Variants in INTS10 observed in about 807,000 individuals in gnomAD.
INTS10 encodes the protein integrator complex subunit 10, also known as chromosome 8 open reading frame 35.
Under a neutral mutation model 94.4 loss-of-function variants are expected in INTS10, and 44 were observed. The ratio of observed to expected loss-of-function variants is 0.47; its 90% CI spans 0.37 to 0.60. The LOEUF (loss-of-function observed/expected upper bound fraction) is 0.60, where lower values mean the gene tolerates loss of function less well. Among genes scored for constraint, INTS10 ranks in the 20% least tolerant of loss-of-function variants. The pLI is 0.00. For missense variants in INTS10, 797 were observed against 868.7 expected (o/e 0.92, Z 1.04); for synonymous variants, 341 against 320.7 (o/e 1.06, Z -0.68).
Position 19,844,208 on chromosome 8 carries a change from C to A in INTS10, c.1852C>A (p.Gln618Lys). 1.2e-6 allele frequency: 2 copies of A among 1,612,430 alleles called. No homozygotes were observed. Among genetic ancestry groups the A allele is most frequent in the Non-Finnish European group, 1.7e-6 (2 of 1,178,644 alleles). ...VNKICQQGNF[Q>K]YENFFNYVTN... ...TAAAATTTGCCAACAAGGAAATTTCCAATATGAGAATTTTTTCAATTACGT... is the reference window on the plus strand; with the variant it reads ...TAAAATTTGCCAACAAGGAAATTTCAAATATGAGAATTTTTTCAATTACGT... The change falls in exon 15 of 17, where the codon CAA becomes AAA. Residue 618 changes from glutamine to lysine, a missense_variant. Transcript: ENST00000397977.
chr8:19,825,558 A>G (rs1302459449), intron 8 of INTS10, among the ~76,000 whole-genome samples: 1 of 151,972 alleles, frequency 6.6e-6, no homozygotes, highest in African/African-American at 2.4e-5. Flanking sequence ...CAGATGTAAC[A>G]ACATATTTAA....
At chr8:19,832,791 G>A (rs1469200532) in intron 11 of INTS10, among the ~76,000 whole-genome samples, 1 of 152,198 alleles carries the variant, frequency 6.6e-6, no homozygotes, top group Non-Finnish European at 1.5e-5. Flanking sequence ...GAATGAGGTG[G>A]TGTCGGAATG....
At chr8:19,841,795 G>A (rs1463164668) in intron 13 of INTS10, 1 of 455,704 alleles carries the variant, frequency 2.2e-6, no homozygotes, top group African/African-American at 2.0e-5. Flanking sequence ...CCTTAGATGA[G>A]TGTTTTTCAA....
At chr8:19,820,280 T>A in intron 3 of INTS10, 99 bp from the exon 4 acceptor site, 1 of 1,120,288 alleles carries the variant, frequency 8.9e-7, no homozygotes, top group Non-Finnish European at 1.2e-6. Flanking sequence ...TCACATGTAG[T>A]GTTTACTGTT....
At chr8:19,829,928 G>C (rs529389627) in intron 9 of INTS10, among the ~76,000 whole-genome samples, 1 of 152,084 alleles carries the variant, frequency 6.6e-6, no homozygotes, top group Non-Finnish European at 1.5e-5. Flanking sequence ...TCGGCCTCCC[G>C]AAGTGCTGGG....
chr8:19,832,336 C>G (rs1370282841), intron 11 of INTS10, among the ~76,000 whole-genome samples: 1 of 152,130 alleles, frequency 6.6e-6, no homozygotes, highest in Admixed American at 6.5e-5. Context: ...CTTTGGGAGG[C>G]CGAGGTGGGA....
rs1256865052 is a variant in INTS10, at chr8:19,843,043, C to G, written c.1719+116C>G. On this transcript the variant is annotated intron_variant, in intron 14 of 16. Transcript: ENST00000397977. This position sits in a 1 kb window ranked among gnomAD's most constrained non-coding sequence, Gnocchi z 4.7. ...TATTTTAGTACTTTTGAGGGCAGGC[C>G]CAAACAGTTAGAAAAGCACATGGGC... is the stretch of plus-strand genomic sequence containing the variant. The G allele has an allele frequency of 2.8e-6, 2 of 718,586 alleles. No individual in the cohort carries two copies. The highest frequency in any genetic ancestry group is 4.5e-5 in the Admixed American group (2 of 44,866). The allele number at this position is 718,586 out of a possible 1,614,324, so 44.5% of individuals were successfully genotyped here.
chr8:19,850,486 ATT>A (rs36125539), intron 16 of INTS10, among the ~76,000 whole-genome samples: 4 of 150,698 alleles, frequency 2.7e-5, no homozygotes, highest in Non-Finnish European at 5.9e-5. Flanking sequence ...ACAAAGCTGG[ATT>A]TTTTTTTTCT....
intron 8 of INTS10, 133 bp downstream of exon 8, chr8:19,825,105 C>T (rs371275433): frequency 8.3e-6 from 6 of 721,486 alleles, no homozygotes; most frequent in African/African-American, 1.8e-5. Flanking sequence ...TTATAGTTGG[C>T]GATTTAGTTT....
intron 10 of INTS10, among the ~76,000 whole-genome samples, chr8:19,831,002 T>G (rs1284269658): frequency 6.6e-6 from 1 of 152,218 alleles, no homozygotes; most frequent in Non-Finnish European, 1.5e-5. Flanking sequence ...ATTAACTCCA[T>G]TGTCTGAAAA....
intron 9 of INTS10, 45 bp from the exon 10 acceptor site, chr8:19,830,361 A>G (rs371505966): frequency 8.9e-5 from 139 of 1,553,976 alleles, no homozygotes; most frequent in Admixed American, 3.6e-4. Context: ...ATATATGACT[A>G]TATTTATAAC....
chr8:19,839,258 A>G (rs1272615777), intron 13 of INTS10, among the ~76,000 whole-genome samples: 1 of 152,230 alleles, frequency 6.6e-6, no homozygotes, highest in Non-Finnish European at 1.5e-5. Flanking sequence ...GAAGTATTGA[A>G]TGCTTTCCCC....
rs117360767 is a variant in INTS10 at position 19,843,557 on chromosome 8, A to C, written c.1720-519A>C. 6.6e-6 allele frequency among the ~76,000 whole-genome samples: 1 copy of C among 152,224 alleles called. No individual in the cohort carries two copies. Among genetic ancestry groups the C allele is most frequent in the African/African-American group, 2.4e-5 (1 of 41,458 alleles). On this transcript the variant is annotated intron_variant, in intron 14 of 16. Transcript: ENST00000397977. This position sits in a 1 kb window ranked among gnomAD's most constrained non-coding sequence, Gnocchi z 4.7. ...CAAAAACAATTTAAAGTGTGATTTT[A>C]TGCATAACCGCTCATTTGAAACAAA...
At chr8:19,823,751 A>G (rs1227144243) in intron 6 of INTS10, 122 bp from the exon 7 acceptor site, 2 of 900,576 alleles carry the variant, frequency 2.2e-6, no homozygotes, top group East Asian at 2.6e-5. Flanking sequence ...TGAGCAAAAC[A>G]TAAGTATGTT....
intron 12 of INTS10, among the ~76,000 whole-genome samples, chr8:19,836,536 T>C (rs892555723): frequency 1.3e-5 from 2 of 152,250 alleles, no homozygotes; most frequent in Non-Finnish European, 2.9e-5. Flanking sequence ...GAAAGGCGTC[T>C]TTTCTGCATT....
intron 6 of INTS10, 44 bp from the exon 7 acceptor site, chr8:19,823,829 A>C (rs771469319): frequency 1.4e-6 from 2 of 1,478,058 alleles, no homozygotes; most frequent in Non-Finnish European, 1.8e-6. Context: ...TGTCAACAGT[A>C]AGTCATAATG....
At chr8:19,840,955 G>C (rs1242858785) in intron 13 of INTS10, among the ~76,000 whole-genome samples, 2 of 152,186 alleles carry the variant, frequency 1.3e-5, no homozygotes. Flanking sequence ...GTGGCTGCAT[G>C]ACTTTATATA....
Position 19,838,084 on chromosome 8 carries a change from A to G in INTS10, c.1639+924A>G, listed in dbSNP as rs112871823. Among the ~76,000 whole-genome samples, 1,193 of 152,354 alleles carry G rather than the reference A, an allele frequency of 7.8e-3. 15 individuals carry two copies. The highest frequency in any genetic ancestry group is 0.027 in the African/African-American group (1,118 of 41,580). On this transcript the variant is annotated intron_variant, in intron 13 of 16. Transcript: ENST00000397977. ...AAAATCAGAATGTTCTGCCAGGAACAGTAGCTCATGCCTGTAATCCCAGCA... is the reference window on the plus strand; with the variant it reads ...AAAATCAGAATGTTCTGCCAGGAACGGTAGCTCATGCCTGTAATCCCAGCA...
At chr8:19,818,423 G>A in intron 2 of INTS10, 81 bp downstream of exon 2, 1 of 1,398,298 alleles carries the variant, frequency 7.2e-7, no homozygotes, top group South Asian at 1.2e-5. Context: ...AGTGGGAGTT[G>A]GGGGAAGATC....
Sources: gnomAD v4.1 joint callset for allele counts (sites outside exome capture counted in the v4.1 genomes callset) on GRCh38, gnomAD v4.1.1 for gene constraint, Gnocchi (gnomAD v3.1) non-coding constraint, MANE v1.5 for transcripts, NCBI Gene and HGNC (gene_info 2026-07-23, HGNC 2026-07-21) for gene names.